The following DRG2 variants were observed in gnomAD, a reference collection of about 807,000 sequenced individuals.
The protein encoded by DRG2 is developmentally regulated GTP binding protein 2.
In DRG2, 36 loss-of-function variants were observed where a neutral mutation model predicts 53.4. The ratio of observed to expected loss-of-function variants is 0.67; its 90% CI spans 0.52 to 0.89. The LOEUF (loss-of-function observed/expected upper bound fraction) is 0.89. Ranked by LOEUF, DRG2 falls within the 40% of genes least tolerant of loss-of-function variation. DRG2 has a pLI of 0.00. For missense variants in DRG2, 342 were observed against 481.2 expected, an observed-to-expected ratio of 0.71 and a Z score of 2.71; for synonymous variants, 167 against 192.1, an observed-to-expected ratio of 0.87 and a Z score of 1.08.
rs1457833032 is a variant in DRG2 at position 18,103,873 on chromosome 17, C to T, written c.879C>T (p.Tyr293=). The T allele has an allele frequency of 6.2e-7, 1 of 1,614,136 alleles. No individual in the cohort carries two copies. The highest frequency in any genetic ancestry group is 8.5e-7 in the Non-Finnish European group (1 of 1,180,018). ...LWEYLALTCI[Y]TKKRGQRPDF... is the part of the protein sequence containing the mutation. ...AGTACTTGGCCCTGACCTGCATCTA[C>T]ACCAAGAAGAGAGGACGTGAGTTGC... The change falls in exon 10 of 13, where the codon TAC becomes TAT. Residue 293 remains tyrosine (Y), a synonymous_variant. Transcript: ENST00000225729. This position sits in a 1 kb window ranked among gnomAD's most constrained non-coding sequence, Gnocchi z 4.4.
Position 18,104,753 on chromosome 17 carries a change from G to A in DRG2, c.954+72G>A, listed in dbSNP as rs527311969. On this transcript the variant is annotated intron_variant, in intron 11 of 12. Transcript: ENST00000225729. The stretch of plus-strand genomic sequence containing the variant: ...CCCTTTGGGGCTCTGTTCTGCCTGA[G>A]GTGCCCTGGGCTGGGGGTGGGCTCT... 1.8e-4 allele frequency: 282 copies of A among 1,609,338 alleles called. 2 individuals carry two copies. In the African/African-American group the frequency reaches 3.2e-3, roughly 18 times the overall value.
chr17:18,101,397 C>A, intron 7 of DRG2, 96 bp from the exon 8 acceptor site: 2 of 1,145,174 alleles, frequency 1.7e-6, no homozygotes, highest in South Asian at 1.4e-5. Context: ...CGGTCCCACA[C>A]GGCCAGCATA....
At position 18,103,513 on chromosome 17, in the gene DRG2, G is replaced by A. The variant is rs1233049877; in HGVS notation, c.807-288G>A. On this transcript the variant is annotated intron_variant, in intron 9 of 12. Transcript: ENST00000225729. The surrounding 1 kb of genome is among the most constrained non-coding windows in gnomAD (Gnocchi z 4.4). ...TCCCGTCACAGCCCCCGGCCATCTCGCCATGGCAGCCCTTCACTAATCACA... is the reference window on the plus strand; with the variant it reads ...TCCCGTCACAGCCCCCGGCCATCTCACCATGGCAGCCCTTCACTAATCACA... 2.0e-5 allele frequency among the ~76,000 whole-genome samples: 3 copies of A among 152,234 alleles called. No homozygotes were observed. Among genetic ancestry groups the A allele is most frequent in the Non-Finnish European group, 2.9e-5 (2 of 68,010 alleles).
rs1240035454 is a variant in DRG2, at chr17:18,101,572, G to A, written c.711G>A (p.Val237=). ...TCGATGTGATCGTGGGCAACCGGGTGTACATGCCCTGCCTGTATGTAAGTG... is the reference window on the plus strand; with the variant it reads ...TCGATGTGATCGTGGGCAACCGGGTATACATGCCCTGCCTGTATGTAAGTG... ...EFIDVIVGNR[V]YMPCLYVYNK... Residue 237 remains valine (V), a synonymous_variant, in exon 8 of 13, where the codon GTG becomes GTA. Coordinates refer to ENST00000225729, the MANE Select transcript of DRG2 (RefSeq NM_001388.5). 2.5e-6 allele frequency: 4 copies of A among 1,614,154 alleles called. No individual in the cohort carries two copies. The highest frequency in any genetic ancestry group is 2.5e-6 in the Non-Finnish European group (3 of 1,180,030).
At chr17:18,089,957 G>A (rs932296554) in intron 1 of DRG2, among the ~76,000 whole-genome samples, 4 of 151,992 alleles carry the variant, frequency 2.6e-5, no homozygotes, top group African/African-American at 9.7e-5. Flanking sequence ...AGCAGGGGAG[G>A]GGCTATTCTG....
intron 12 of DRG2, among the ~76,000 whole-genome samples, 190 bp downstream of exon 12, chr17:18,106,676 T>C (rs2045640821): frequency 6.8e-6 from 1 of 146,128 alleles, no homozygotes; most frequent in Admixed American, 7.3e-5. Context: ...CCCCACCCTT[T>C]TTTTTTTCTG....
intron 2 of DRG2, 56 bp downstream of exon 2, chr17:18,094,029 CAG>C (rs1489155171): frequency 1.9e-6 from 3 of 1,577,430 alleles, no homozygotes; most frequent in Non-Finnish European, 1.7e-6. Context: ...ATCTTTCAAA[CAG>C]GTGACCATCC....
intron 2 of DRG2, chr17:18,097,057 C>T (rs1020254462): frequency 1.3e-5 from 2 of 152,210 alleles, no homozygotes; most frequent in Admixed American, 1.3e-4. Context: ...CATGGCAGAT[C>T]CCACCTGCCT....
rs1185129059 is a variant in DRG2 at position 18,107,301 on chromosome 17, G to A, written c.*61G>A. ...CTCCCTGGGGAGGTGGTCCCACTGG[G>A]ACACACAAACACCCAAACAGAAAAA... is the stretch of plus-strand genomic sequence containing the variant. On this transcript the variant is annotated 3_prime_UTR_variant, in exon 13 of 13. Transcript: ENST00000225729. 1.3e-6 allele frequency: 2 copies of A among 1,530,704 alleles called. No homozygotes were observed. Among genetic ancestry groups the A allele is most frequent in the African/African-American group, 2.7e-5 (2 of 73,176 alleles). 94.8% of individuals were successfully genotyped at this position (1,530,704 alleles called of 1,614,324 possible).
At position 18,098,394 on chromosome 17, in the gene DRG2, G is replaced by A. The variant is rs1165153325; in HGVS notation, c.315+35G>A. 1.3e-6 allele frequency: 2 copies of A among 1,591,016 alleles called. No individual in the cohort carries two copies. Among genetic ancestry groups the A allele is most frequent in the Admixed American group, 1.7e-5 (1 of 59,922 alleles). On this transcript the variant is annotated intron_variant, in intron 3 of 12. Coordinates refer to ENST00000225729, the MANE Select transcript of DRG2 (RefSeq NM_001388.5). This position sits in a 1 kb window ranked among gnomAD's most constrained non-coding sequence, Gnocchi z 4.1. The stretch of plus-strand genomic sequence containing the variant: ...TGTGCTGGGCCCAGAAGGAGAAGGG[G>A]CGCATGCTTGTGTTTGGACTTGTGC...
chr17:18,093,962 T>C lies in DRG2; in HGVS notation c.214T>C (p.Ser72Pro). Residue 72 changes from serine (S) to proline (P), a missense_variant, in exon 2 of 13, where the codon TCT (serine) becomes CCT (proline). Coordinates refer to ENST00000225729, the MANE Select transcript of DRG2 (RefSeq NM_001388.5). ...DARVALIGFP[S>P]VGKSTFLSLM... is the part of the protein sequence containing the mutation. ...CCGTGTGGCGCTGATTGGATTTCCC[T>C]CTGTGGGTAAGGTCAGTGATGGTCA... 1 of 1,614,068 alleles carries C rather than the reference T, an allele frequency of 6.2e-7. No individual in the cohort carries two copies.
chr17:18,101,533 C>G lies in DRG2; in HGVS notation c.672C>G (p.Ser224=), dbSNP rs770979886. The G allele has an allele frequency of 6.2e-7, 1 of 1,614,186 alleles. No homozygotes were observed. Among genetic ancestry groups the G allele is most frequent in the Non-Finnish European group, 8.5e-7 (1 of 1,180,046 alleles). Residue 224 remains serine (S), a synonymous_variant, in exon 8 of 13, where the codon TCC becomes TCG. Transcript: ENST00000225729. Reference sequence around the variant, plus strand: ...AAGTGCTTTTCCGAGAAGACTGCTCCCCGGACGAGTTCATCGATGTGATCG... The same window carrying G: ...AAGTGCTTTTCCGAGAAGACTGCTCGCCGGACGAGTTCATCGATGTGATCG... ...NAEVLFREDC[S]PDEFIDVIVG... is the part of the protein sequence containing the mutation.
intron 1 of DRG2, among the ~76,000 whole-genome samples, chr17:18,090,387 TATATATATATATATATATA>T (rs1343832107): frequency 0.019 from 226 of 12,102 alleles, 8 homozygotes; most frequent in South Asian, 0.13. Context: ...TATATATATA[TATATATATATATATATATA>T]TTTTTTTTTT....
In DRG2 at chr17:18,103,963, G is replaced by A; in HGVS notation, c.895+74G>A. 2.1e-6 allele frequency: 3 copies of A among 1,448,270 alleles called. No homozygotes were observed. Among genetic ancestry groups the A allele is most frequent in the Non-Finnish European group, 1.9e-6 (2 of 1,031,872 alleles). The allele number at this position is 1,448,270 out of a possible 1,614,324, so 89.7% of individuals were successfully genotyped here. A position where few individuals can be genotyped will look rare whatever the true frequency, so the allele number is the denominator to read the frequency against. On this transcript the variant is annotated intron_variant, in intron 10 of 12. Coordinates refer to ENST00000225729, the MANE Select transcript of DRG2 (RefSeq NM_001388.5). The surrounding 1 kb of genome is among the most constrained non-coding windows in gnomAD (Gnocchi z 4.4). ...GAAGGCTGCCAGGCCGGTGTGTGGT[G>A]CCCAGAGACCCCAGCACCGGCTCTG...
At chr17:18,090,414 T>A (rs1470332149) in intron 1 of DRG2, among the ~76,000 whole-genome samples, 5 of 62,568 alleles carry the variant, frequency 8.0e-5, no homozygotes, top group Non-Finnish European at 1.7e-4. Flanking sequence ...ATATTTTTTT[T>A]TTTTTTTTTT....
At chr17:18,094,867 G>A (rs1314998282) in intron 2 of DRG2, among the ~76,000 whole-genome samples, 5 of 149,612 alleles carry the variant, frequency 3.3e-5, no homozygotes, top group Non-Finnish European at 7.4e-5. Context: ...TCAGTTACTC[G>A]GGAGGCTGAG....
rs1294334458 is a variant in DRG2 at position 18,093,813 on chromosome 17, C to A, written c.65C>A (p.Ala22Asp). The A allele has an allele frequency of 6.2e-7, 1 of 1,613,378 alleles. No individual in the cohort carries two copies. Among genetic ancestry groups the A allele is most frequent in the Non-Finnish European group, 8.5e-7 (1 of 1,179,592 alleles). The change falls in exon 2 of 13, where the codon GCC (alanine) becomes GAC (aspartate). Residue 22 changes from alanine (A) to aspartate (D), a missense_variant and splice_region_variant. Coordinates refer to ENST00000225729, the MANE Select transcript of DRG2 (RefSeq NM_001388.5). ...TTCTGTCTTGCTTTCCATCCTTTAG[C>A]CACTGAGTATCATCTGGGCCTGCTG... ...KEIARTQKNK[A>D]TEYHLGLLKA...
chr17:18,094,548 G>A (rs747150120), intron 2 of DRG2, among the ~76,000 whole-genome samples: 6 of 152,198 alleles, frequency 3.9e-5, no homozygotes, highest in Non-Finnish European at 8.8e-5. Flanking sequence ...GCAGGTGCTC[G>A]CTTGGTGTGT....
At position 18,099,198 on chromosome 17, in the gene DRG2, A is replaced by G. The variant is rs145634857; in HGVS notation, c.376+121A>G. ...TGGTCCATTATCCCGCTTTCCAGAAAAGACAGGTTCCAGTTCAAATCCTTG... is the reference window on the plus strand; with the variant it reads ...TGGTCCATTATCCCGCTTTCCAGAAGAGACAGGTTCCAGTTCAAATCCTTG... On this transcript the variant is annotated intron_variant, in intron 4 of 12. Transcript: ENST00000225729. The surrounding 1 kb of genome is among the most constrained non-coding windows in gnomAD (Gnocchi z 4.4). 7.5e-7 allele frequency: 1 copy of G among 1,342,222 alleles called. No individual in the cohort carries two copies. Among genetic ancestry groups the G allele is most frequent in the Non-Finnish European group, 1.0e-6 (1 of 965,412 alleles). The allele number at this position is 1,342,222 out of a possible 1,614,324, so 83.1% of individuals were successfully genotyped here.
Sources: allele counts gnomAD v4.1 joint callset (sites outside exome capture counted in the v4.1 genomes callset), GRCh38; gene constraint gnomAD v4.1.1; non-coding constraint Gnocchi (gnomAD v3.1); transcripts MANE v1.5; gene names NCBI Gene and HGNC (gene_info 2026-07-23, HGNC 2026-07-21).